HIPK3: variants seen among roughly 807,000 people sequenced by gnomAD.
HIPK3 encodes the protein homeodomain-interacting protein kinase 3.
A neutral mutation model predicts 124.2 loss-of-function variants in HIPK3; 47 were observed. The ratio of observed to expected loss-of-function variants is 0.38; its 90% CI spans 0.30 to 0.48. The LOEUF (loss-of-function observed/expected upper bound fraction) is 0.48, where lower values mean the gene tolerates loss of function less well. Ranked by LOEUF, HIPK3 falls within the 20% of genes least tolerant of loss-of-function variation. The probability of loss-of-function intolerance (pLI) is 0.98; values close to 1 mark genes in which losing one functional copy is unlikely to be tolerated. For missense variants in HIPK3, 1,286 were observed against 1,454.3 expected (o/e 0.88, Z 1.88); for synonymous variants, 482 against 515.2 (o/e 0.94, Z 0.87).
intron 4 of HIPK3, among the ~76,000 whole-genome samples, 183 bp downstream of exon 4, chr11:33,337,377 A>C (rs1478767800): frequency 1.3e-5 from 2 of 148,928 alleles, no homozygotes; most frequent in African/African-American, 5.0e-5. Context: ...ATTTTTTGAG[A>C]TGGAGTTTCT....
intron 2 of HIPK3, among the ~76,000 whole-genome samples, chr11:33,294,525 C>T (rs560370857): frequency 1.3e-5 from 2 of 152,294 alleles, no homozygotes; most frequent in South Asian, 4.1e-4. Flanking sequence ...CATTCTCTTG[C>T]ATAACTTCAG....
Position 33,339,412 on chromosome 11 carries a change from A to G in HIPK3, c.1491A>G (p.Glu497=). The change falls in exon 6 of 17, where the codon GAA becomes GAG. Residue 497 remains glutamate (E), a synonymous_variant. Coordinates refer to ENST00000303296, the MANE Select transcript of HIPK3 (RefSeq NM_005734.5). ...DLLAEKADRR[E]FVSLLKKMLL... ...TGGCTGAGAAAGCTGATAGAAGAGA[A>G]TTTGTTAGTCTGTTGAAGAAAATGT... The G allele has an allele frequency of 1.2e-6, 2 of 1,613,682 alleles. No homozygotes were observed. Among genetic ancestry groups the G allele is most frequent in the Non-Finnish European group, 1.7e-6 (2 of 1,179,686 alleles).
chr11:33,271,825 A>G (rs910275456), intron 1 of HIPK3, among the ~76,000 whole-genome samples: 4 of 152,242 alleles, frequency 2.6e-5, no homozygotes, highest in Non-Finnish European at 5.9e-5. Context: ...CCAGATAATT[A>G]TGAAGAAAAC....
At chr11:33,347,255 GA>G (rs1399550706) in intron 8 of HIPK3, 37 bp from the exon 9 acceptor site, 2 of 1,567,656 alleles carry the variant, frequency 1.3e-6, no homozygotes, top group African/African-American at 2.7e-5. Context: ...ATAAGAGGAA[GA>G]TTTTTTCTTT....
In HIPK3 at chr11:33,302,417, A is replaced by G. The variant is rs149094022; in HGVS notation, c.1097+14906A>G. Among the ~76,000 whole-genome samples, 156 of 145,422 alleles carry G rather than the reference A, an allele frequency of 1.1e-3. 2 individuals carry two copies. The highest frequency in any genetic ancestry group is 1.9e-3 in the African/African-American group (74 of 39,114). On this transcript the variant is annotated intron_variant, in intron 2 of 16. Coordinates refer to ENST00000303296, the MANE Select transcript of HIPK3 (RefSeq NM_005734.5). ...AGTGGCACAATGCCTACTCACTGCA[A>G]CCTTCGCCTCCCTGGTTCAAATGAT...
Position 33,351,610 on chromosome 11 carries a change from T to C in HIPK3, c.2810T>C (p.Met937Thr). 2 of 1,610,900 alleles carry C rather than the reference T, an allele frequency of 1.2e-6. No homozygotes were observed. Among genetic ancestry groups the C allele is most frequent in the African/African-American group, 1.3e-5 (1 of 74,974 alleles). ...TAAAAAATGCTTTCTTTTTGTAGTA[T>C]GTCAGATGAAGAGCAAGAAAGTAGT... ...SPSPCKRPNSMSDEEQESSCD... is the reference protein window; with the variant it reads ...SPSPCKRPNSTSDEEQESSCD... The change falls in exon 15 of 17, where the codon ATG (methionine) becomes ACG (threonine). Residue 937 changes from methionine to threonine, a missense_variant and splice_region_variant. Transcript: ENST00000303296.
Position 33,257,747 on chromosome 11 carries a change from G to A in HIPK3, c.-145G>A, listed in dbSNP as rs953192466. ...CCGCCAGGACAAGATGGCAGCGGCC[G>A]CGGAGAGGGGCTGAGCCCGGGCTGG... On this transcript the variant is annotated 5_prime_UTR_variant, in exon 1 of 17. Coordinates refer to ENST00000303296, the MANE Select transcript of HIPK3 (RefSeq NM_005734.5). 5.8e-5 allele frequency: 57 copies of A among 988,238 alleles called. No individual in the cohort carries two copies. Among genetic ancestry groups the A allele is most frequent in the Middle Eastern group, 5.1e-4 (1 of 1,948 alleles). 61.2% of individuals were successfully genotyped at this position (988,238 alleles called of 1,614,324 possible).
Position 33,355,734 on chromosome 11 carries a change from G to T in HIPK3, c.*2166G>T, listed in dbSNP as rs1366480630. Reference sequence around the variant, plus strand: ...GTATTAGATCATAAAGTAAAAACCAGCAGTACATTTTTAGTCACACTGAAA... The same window carrying T: ...GTATTAGATCATAAAGTAAAAACCATCAGTACATTTTTAGTCACACTGAAA... On this transcript the variant is annotated 3_prime_UTR_variant, in exon 17 of 17. Coordinates refer to ENST00000303296, the MANE Select transcript of HIPK3 (RefSeq NM_005734.5). The T allele has an allele frequency of 6.6e-6, 1 of 151,844 alleles. No homozygotes were observed. Among genetic ancestry groups the T allele is most frequent in the Non-Finnish European group, 1.5e-5 (1 of 67,838 alleles). The allele number at this position is 151,844 out of a possible 1,614,324, so 9.4% of individuals were successfully genotyped here.
intron 3 of HIPK3, among the ~76,000 whole-genome samples, chr11:33,334,283 A>G (rs2133976355): frequency 1.3e-5 from 2 of 152,240 alleles, no homozygotes; most frequent in Middle Eastern, 6.8e-3. Flanking sequence ...ATCGTCAGGG[A>G]TGGCTTTATA....
intron 2 of HIPK3, among the ~76,000 whole-genome samples, chr11:33,319,872 G>A (rs1364030146): frequency 6.6e-6 from 1 of 152,210 alleles, no homozygotes; most frequent in African/African-American, 2.4e-5. Context: ...GTGCTATAGA[G>A]AACAGTCAAG....
intron 14 of HIPK3, among the ~76,000 whole-genome samples, chr11:33,349,832 T>A (rs868854794): frequency 6.6e-6 from 1 of 152,088 alleles, no homozygotes; most frequent in Non-Finnish European, 1.5e-5. Flanking sequence ...AATGGTGTGA[T>A]CTTGGCTCAC....
intron 2 of HIPK3, among the ~76,000 whole-genome samples, chr11:33,293,397 G>A (rs1851752651): frequency 1.3e-5 from 2 of 152,008 alleles, no homozygotes; most frequent in South Asian, 2.1e-4. Flanking sequence ...AAAGAAGCCC[G>A]TGTGCCTTTT....
intron 1 of HIPK3, among the ~76,000 whole-genome samples, chr11:33,273,553 A>G (rs1030351091): frequency 1.3e-5 from 2 of 150,878 alleles, no homozygotes; most frequent in African/African-American, 2.4e-5. Flanking sequence ...ATTTTGGACA[A>G]TACTTTGCAA....
intron 8 of HIPK3, among the ~76,000 whole-genome samples, chr11:33,342,865 A>G (rs1220348281): frequency 6.6e-6 from 1 of 152,168 alleles, no homozygotes; most frequent in East Asian, 1.9e-4. Context: ...TTCTTAAACT[A>G]GGAAATCTCT....
At chr11:33,257,979 ACCCGGGCCTGG>A in intron 1 of HIPK3, 90 bp downstream of exon 1, 1 of 960,690 alleles carries the variant, frequency 1.0e-6, no homozygotes, top group African/African-American at 1.8e-5. Context: ...CCCAAGCCTG[ACCCGGGCCTGG>A]CCCGACACCT....
rs141995873 is a variant in HIPK3 at position 33,295,673 on chromosome 11, C to T, written c.1097+8162C>T. ...CTGGCCAGTTATTTTGTAGACTGTT[C>T]CTCAGTTTGCTTATGGCTGATGTTT... is the stretch of plus-strand genomic sequence containing the variant. On this transcript the variant is annotated intron_variant, in intron 2 of 16. Coordinates refer to ENST00000303296, the MANE Select transcript of HIPK3 (RefSeq NM_005734.5). Among the ~76,000 whole-genome samples, 594 of 152,268 alleles carry T rather than the reference C, an allele frequency of 3.9e-3. 5 individuals carry two copies. Among genetic ancestry groups the T allele is most frequent in the Non-Finnish European group, 6.5e-3 (445 of 68,012 alleles).
chr11:33,304,403 C>G (rs1019728136), intron 2 of HIPK3, among the ~76,000 whole-genome samples: 1 of 151,936 alleles, frequency 6.6e-6, no homozygotes, highest in African/African-American at 2.4e-5. Flanking sequence ...ACTAAAAATA[C>G]AAAATTAGCT....
At position 33,272,011 on chromosome 11, in the gene HIPK3, C is replaced by A. The variant is rs1442105357; in HGVS notation, c.-3+14122C>A. On this transcript the variant is annotated intron_variant, in intron 1 of 16. Transcript: ENST00000303296. Reference sequence around the variant, plus strand: ...TATCTAAATTTGTGGTTTTAATGCACAGCTTATAAGCAACTCAAAAAATGT... The same window carrying A: ...TATCTAAATTTGTGGTTTTAATGCAAAGCTTATAAGCAACTCAAAAAATGT... 3.3e-5 allele frequency among the ~76,000 whole-genome samples: 5 copies of A among 152,182 alleles called. No individual in the cohort carries two copies. The East Asian group carries it at 7.7e-4, about 23-fold the overall frequency.
intron 1 of HIPK3, among the ~76,000 whole-genome samples, chr11:33,274,665 G>A (rs1468021437): frequency 6.6e-6 from 1 of 152,014 alleles, no homozygotes; most frequent in Non-Finnish European, 1.5e-5. Context: ...ATTTTATATA[G>A]CTTTTAAAAA....
Sources: allele counts gnomAD v4.1 joint callset (sites outside exome capture counted in the v4.1 genomes callset), GRCh38; gene constraint gnomAD v4.1.1; transcripts MANE v1.5; gene names NCBI Gene and HGNC (gene_info 2026-07-23, HGNC 2026-07-21).